PAPSS1: variants seen among roughly 807,000 people sequenced by gnomAD.
PAPSS1 encodes the protein 3'-phosphoadenosine 5'-phosphosulfate synthase 1, also known as bifunctional 3'-phosphoadenosine 5'-phosphosulfate synthase 1.
A neutral mutation model predicts 72.0 loss-of-function variants in PAPSS1; 50 were observed. The ratio of observed to expected loss-of-function variants is 0.69; its 90% CI spans 0.55 to 0.88. The LOEUF is 0.88. Ranked by LOEUF, PAPSS1 falls within the 40% of genes least tolerant of loss-of-function variation. PAPSS1 has a pLI of 0.00. For synonymous variants in PAPSS1, 261 were observed against 263.6 expected (o/e 0.99, Z 0.09); for missense variants, 657 against 782.2 (o/e 0.84, Z 1.91).
Position 107,632,982 on chromosome 4 carries a change from A to G in PAPSS1, c.1507-1122T>C, listed in dbSNP as rs117184652. Among the ~76,000 whole-genome samples the G allele has an allele frequency of 7.9e-5, 12 of 152,332 alleles. No individual in the cohort carries two copies. The East Asian group carries it at 2.3e-3, about 29-fold the overall frequency. ...TTACCAACATAGTTTAGAAAGTGCA[A>G]TAGTAAGAGTGCAATTCCATACCTC... On this transcript the variant is annotated intron_variant, in intron 10 of 11. Transcript: ENST00000265174.
At chr4:107,712,148 C>T (rs145967050) in intron 1 of PAPSS1, among the ~76,000 whole-genome samples, 1 of 152,276 alleles carries the variant, frequency 6.6e-6, no homozygotes, top group African/African-American at 2.4e-5. Context: ...TATATCAGTA[C>T]CTTTAATGGA....
intron 3 of PAPSS1, 105 bp downstream of exon 3, chr4:107,693,666 A>G: frequency 1.4e-6 from 1 of 732,940 alleles, no homozygotes; most frequent in Admixed American, 2.2e-5. Flanking sequence ...GGGGAGGAGT[A>G]GAGTTAGCCT....
intron 5 of PAPSS1, among the ~76,000 whole-genome samples, chr4:107,680,153 A>G (rs112426851): frequency 0.011 from 1,719 of 152,266 alleles, 34 homozygotes; most frequent in African/African-American, 0.038. Flanking sequence ...ATTTCACATG[A>G]TAATGGCCAA....
intron 1 of PAPSS1, chr4:107,719,902 C>A (rs1244806395): frequency 1.5e-6 from 2 of 1,357,816 alleles, no homozygotes; most frequent in Non-Finnish European, 1.9e-6. Context: ...TCGGACCGCA[C>A]GCTGCGCCAA....
intron 10 of PAPSS1, among the ~76,000 whole-genome samples, chr4:107,633,502 C>T (rs1726274852): frequency 6.6e-6 from 1 of 151,724 alleles, no homozygotes; most frequent in Non-Finnish European, 1.5e-5. Context: ...CATGACCACA[C>T]AGTTTAACAT....
chr4:107,693,685 A>C, intron 3 of PAPSS1, 86 bp downstream of exon 3: 1 of 899,742 alleles, frequency 1.1e-6, no homozygotes, highest in Admixed American at 1.9e-5. Context: ...CTCAAAGCAC[A>C]TATCAATGTT....
At chr4:107,686,978 C>T (rs1406652034) in intron 4 of PAPSS1, 61 bp downstream of exon 4, 1 of 1,445,626 alleles carries the variant, frequency 6.9e-7, no homozygotes, top group Non-Finnish European at 9.5e-7. Flanking sequence ...AAATATCAAT[C>T]CTAGATATGG....
chr4:107,625,225 T>C (rs1578381470), intron 11 of PAPSS1, among the ~76,000 whole-genome samples: 1 of 152,172 alleles, frequency 6.6e-6, no homozygotes, highest in Admixed American at 6.5e-5. Flanking sequence ...ATGACCTTTG[T>C]CCCCAGTGTT....
intron 9 of PAPSS1, among the ~76,000 whole-genome samples, chr4:107,649,273 AGCGC>A (rs1413818481): frequency 3.3e-5 from 5 of 152,248 alleles, no homozygotes; most frequent in Non-Finnish European, 7.3e-5. Context: ...CATCTGCCTC[AGCGC>A]GTGATTCTGG....
At chr4:107,668,959 A>C (rs1230769137) in intron 5 of PAPSS1, among the ~76,000 whole-genome samples, 1 of 152,106 alleles carries the variant, frequency 6.6e-6, no homozygotes, top group Non-Finnish European at 1.5e-5. Context: ...TACTCCAAAC[A>C]CATACTCTAA....
At chr4:107,621,042 G>T (rs1402127093) in intron 11 of PAPSS1, among the ~76,000 whole-genome samples, 1 of 152,142 alleles carries the variant, frequency 6.6e-6, no homozygotes, top group Non-Finnish European at 1.5e-5. Context: ...GCATCTGATG[G>T]TACAGATACA....
chr4:107,645,195 AG>A (rs1338463426), intron 9 of PAPSS1, 125 bp from the exon 10 acceptor site: 1 of 573,660 alleles, frequency 1.7e-6, no homozygotes, highest in African/African-American at 2.2e-5. Context: ...CTCAGAAATC[AG>A]AAAACTGGTA....
At chr4:107,672,050 G>C (rs1442899453) in intron 5 of PAPSS1, among the ~76,000 whole-genome samples, 1 of 152,144 alleles carries the variant, frequency 6.6e-6, no homozygotes, top group Admixed American at 6.5e-5. Flanking sequence ...AAAAATACTA[G>C]AACTATAGTT....
chr4:107,653,725 C>G (rs1187037051), intron 8 of PAPSS1, 99 bp from the exon 9 acceptor site: 1 of 846,356 alleles, frequency 1.2e-6, no homozygotes, highest in Non-Finnish European at 1.7e-6. Context: ...AAGCTACTCT[C>G]ATCTTAAATG....
chr4:107,691,580 A>G (rs1366462769), intron 3 of PAPSS1, among the ~76,000 whole-genome samples: 1 of 152,208 alleles, frequency 6.6e-6, no homozygotes, highest in Non-Finnish European at 1.5e-5. Context: ...TACAAAGGCA[A>G]ATAAGACACG....
intron 4 of PAPSS1, 32 bp from the exon 5 acceptor site, chr4:107,682,165 G>A (rs1455488773): frequency 2.8e-6 from 3 of 1,084,932 alleles, no homozygotes; most frequent in African/African-American, 3.2e-5. Flanking sequence ...AGAGTAGGGT[G>A]GAAAATAAAA....
intron 9 of PAPSS1, among the ~76,000 whole-genome samples, chr4:107,650,701 T>A (rs756641794): frequency 2.0e-5 from 3 of 152,218 alleles, no homozygotes; most frequent in Non-Finnish European, 4.4e-5. Context: ...ATATATGTTA[T>A]CTCTTTGAAT....
At chr4:107,618,484 C>T (rs1180687403) in intron 11 of PAPSS1, among the ~76,000 whole-genome samples, 2 of 148,690 alleles carry the variant, frequency 1.3e-5, no homozygotes, top group African/African-American at 5.0e-5. Flanking sequence ...GGAGAAGAAA[C>T]AAGAGAAACA....
intron 3 of PAPSS1, 70 bp downstream of exon 3, chr4:107,693,701 T>C (rs1287790745): frequency 4.7e-6 from 5 of 1,067,352 alleles, no homozygotes; most frequent in Non-Finnish European, 7.2e-6. Flanking sequence ...ATGTTTAAAG[T>C]ATGTGCTTTG....
Sources: gnomAD v4.1 joint callset for allele counts (sites outside exome capture counted in the v4.1 genomes callset) on GRCh38, gnomAD v4.1.1 for gene constraint, MANE v1.5 for transcripts, NCBI Gene and HGNC (gene_info 2026-07-23, HGNC 2026-07-21) for gene names.